Variants in ENDOG observed in about 807,000 individuals in gnomAD.
ENDOG encodes the protein endonuclease G, mitochondrial.
ENDOG carries 22 observed loss-of-function variants against 22.6 expected under a neutral mutation model. The ratio of observed to expected loss-of-function variants is 0.97; its 90% CI spans 0.70 to 1.39. The LOEUF (loss-of-function observed/expected upper bound fraction) is 1.39, where lower values mean the gene tolerates loss of function less well. Ranked by LOEUF, ENDOG falls within the 40% of genes most tolerant of loss-of-function variation. The probability of loss-of-function intolerance (pLI) is 0.00; values close to 1 mark genes in which losing one functional copy is unlikely to be tolerated. For synonymous variants in ENDOG, 173 were observed against 200.2 expected, an observed-to-expected ratio of 0.86 and a Z score of 1.15; for missense variants, 403 against 431.3, an observed-to-expected ratio of 0.93 and a Z score of 0.58.
In ENDOG at chr9:128,818,736, G is replaced by C; in HGVS notation, c.52G>C (p.Ala18Pro). ...LTLASGAGLG[A>P]VVEGWRRRRE... ...CCTGGCGTCGGGCGCGGGGCTGGGT[G>C]CGGTCGTCGAGGGCTGGCGGCGGCG... Residue 18 changes from alanine (A) to proline (P), a missense_variant, in exon 1 of 3, where the codon GCG (alanine) becomes CCG (proline). Coordinates refer to ENST00000372642, the MANE Select transcript of ENDOG (RefSeq NM_004435.2). 1 of 1,176,994 alleles carries C rather than the reference G, an allele frequency of 8.5e-7. No homozygotes were observed. Among genetic ancestry groups the C allele is most frequent in the Non-Finnish European group, 1.0e-6 (1 of 953,346 alleles). 72.9% of individuals were successfully genotyped at this position (1,176,994 alleles called of 1,614,324 possible). A position where few individuals can be genotyped will look rare whatever the true frequency, so the allele number is the denominator to read the frequency against.
rs779050708 is a variant in ENDOG at position 128,820,873 on chromosome 9, C to G, written c.611+25C>G. 5 of 1,578,084 alleles carry G rather than the reference C, an allele frequency of 3.2e-6. No homozygotes were observed. In the Middle Eastern group the frequency reaches 6.7e-4, roughly 211 times the overall value. ...GGTAAGGTGGAAACCAGGGGGGCGG[C>G]AGAACCTCCCACTCACCTGAGGCCC... is the stretch of plus-strand genomic sequence containing the variant. On this transcript the variant is annotated intron_variant, in intron 2 of 2. Transcript: ENST00000372642.
At position 128,819,078 on chromosome 9, in the gene ENDOG, TACCGCGGCAGTGGCTTCGACCGCGGTC is replaced by T; in HGVS notation, c.398_424del (p.Arg133_His141del). 6.6e-7 allele frequency: 1 copy of T among 1,518,212 alleles called. No individual in the cohort carries two copies. Among genetic ancestry groups the T allele is most frequent in the Non-Finnish European group, 8.8e-7 (1 of 1,138,562 alleles). 94.0% of individuals were successfully genotyped at this position (1,518,212 alleles called of 1,614,324 possible). A position where few individuals can be genotyped will look rare whatever the true frequency, so the allele number is the denominator to read the frequency against. ...GTACCACCGTGCCACCAACGCCGACTACCGCGGCAGTGGCTTCGACCGCGGTCACCTGGCCGCCGCCGCCAACCACCG... is the reference window on the plus strand; with the variant it reads ...GTACCACCGTGCCACCAACGCCGACTACCTGGCCGCCGCCGCCAACCACCG... On this transcript the variant is annotated inframe_deletion, in exon 1 of 3. Transcript: ENST00000372642.
intron 1 of ENDOG, 33 bp downstream of exon 1, chr9:128,819,218 G>T: frequency 7.0e-7 from 1 of 1,429,350 alleles, no homozygotes. Flanking sequence ...GTCGCGGAAT[G>T]CGGGGCCGGC....
chr9:128,818,513 C>A lies in ENDOG; in HGVS notation c.-172C>A. On this transcript the variant is annotated 5_prime_UTR_variant, in exon 1 of 3. Coordinates refer to ENST00000372642, the MANE Select transcript of ENDOG (RefSeq NM_004435.2). ...AGGACGCCGGGGACACCCGGTTGGG[C>A]TCTGCTGCTCCCTTCTGGGTTCCGA... 1 of 730,334 alleles carries A rather than the reference C, an allele frequency of 1.4e-6. No homozygotes were observed. Among genetic ancestry groups the A allele is most frequent in the Non-Finnish European group, 1.7e-6 (1 of 578,220 alleles). 45.2% of individuals were successfully genotyped at this position (730,334 alleles called of 1,614,324 possible).
At position 128,822,567 on chromosome 9, in the gene ENDOG, C is replaced by T; in HGVS notation, c.851C>T (p.Ala284Val). ...SGLLFVPNILARAGSLKAITA... is the reference protein window; with the variant it reads ...SGLLFVPNILVRAGSLKAITA... Reference sequence around the variant, plus strand: ...CTGCTCTTTGTGCCAAACATCCTGGCGCGGGCAGGCAGCCTCAAGGCCATC... The same window carrying T: ...CTGCTCTTTGTGCCAAACATCCTGGTGCGGGCAGGCAGCCTCAAGGCCATC... Residue 284 changes from alanine to valine, a missense_variant, in exon 3 of 3, where the codon GCG (alanine) becomes GTG (valine). Ala to Val is a moderately conservative substitution (Grantham distance 64, BLOSUM62 0). Coordinates refer to ENST00000372642, the MANE Select transcript of ENDOG (RefSeq NM_004435.2). 1.9e-6 allele frequency: 3 copies of T among 1,565,210 alleles called. No homozygotes were observed. Among genetic ancestry groups the T allele is most frequent in the Middle Eastern group, 1.7e-4 (1 of 5,998 alleles).
In ENDOG at chr9:128,820,865, G is replaced by C. The variant is rs189147687; in HGVS notation, c.611+17G>C. 3.3e-5 allele frequency: 53 copies of C among 1,590,556 alleles called. 1 individual carries two copies. In the African/African-American group the frequency reaches 3.8e-4, roughly 11 times the overall value. On this transcript the variant is annotated intron_variant, in intron 2 of 2. Transcript: ENST00000372642. The stretch of plus-strand genomic sequence containing the variant: ...CCTGCCCAGGTAAGGTGGAAACCAG[G>C]GGGGCGGCAGAACCTCCCACTCACC...
Position 128,821,199 on chromosome 9 carries a change from C to A in ENDOG, c.611+351C>A, listed in dbSNP as rs137971010. ...GCACCAAGCTCTCCCACCTTCCCCCCGCAGGTCTGCAGTGCACCAAGCTCT... is the reference window on the plus strand; with the variant it reads ...GCACCAAGCTCTCCCACCTTCCCCCAGCAGGTCTGCAGTGCACCAAGCTCT... On this transcript the variant is annotated intron_variant, in intron 2 of 2. Transcript: ENST00000372642. 491 of 305,134 alleles carry A rather than the reference C, an allele frequency of 1.6e-3. 1 individual carries two copies. The highest frequency in any genetic ancestry group is 2.0e-3 in the Non-Finnish European group (314 of 158,434). 18.9% of individuals were successfully genotyped at this position (305,134 alleles called of 1,614,324 possible). A position where few individuals can be genotyped will look rare whatever the true frequency, so the allele number is the denominator to read the frequency against.
intron 2 of ENDOG, chr9:128,822,040 C>T (rs1023362378): frequency 6.5e-6 from 3 of 460,612 alleles, no homozygotes; most frequent in Non-Finnish European, 1.2e-5. Flanking sequence ...AGTCTCCCCT[C>T]AGACGAATGT....
At position 128,819,260 on chromosome 9, in the gene ENDOG, C is replaced by T; in HGVS notation, c.501+75C>T. 4 of 1,392,486 alleles carry T rather than the reference C, an allele frequency of 2.9e-6. No homozygotes were observed. The South Asian group carries it at 6.3e-5, about 22-fold the overall frequency. The allele number at this position is 1,392,486 out of a possible 1,614,324, so 86.3% of individuals were successfully genotyped here. Reference sequence around the variant, plus strand: ...CCTCGCGGGGCCTCGGTTTGTTCTTCTGCAGAACGGGGCAGCTGCCCAACG... The same window carrying T: ...CCTCGCGGGGCCTCGGTTTGTTCTTTTGCAGAACGGGGCAGCTGCCCAACG... On this transcript the variant is annotated intron_variant, in intron 1 of 2. Coordinates refer to ENST00000372642, the MANE Select transcript of ENDOG (RefSeq NM_004435.2).
chr9:128,820,613 GT>G, intron 1 of ENDOG, 125 bp from the exon 2 acceptor site: 1 of 766,640 alleles, frequency 1.3e-6, no homozygotes, highest in Non-Finnish European at 2.2e-6. Flanking sequence ...TTGAGCCTCA[GT>G]TTCCCCCCGC....
Position 128,818,509 on chromosome 9 carries a change from T to A in ENDOG, c.-176T>A. The A allele has an allele frequency of 1.5e-6, 1 of 652,508 alleles. No homozygotes were observed. Among genetic ancestry groups the A allele is most frequent in the Non-Finnish European group, 2.0e-6 (1 of 507,302 alleles). 40.4% of individuals were successfully genotyped at this position (652,508 alleles called of 1,614,324 possible). ...AGAAAGGACGCCGGGGACACCCGGT[T>A]GGGCTCTGCTGCTCCCTTCTGGGTT... On this transcript the variant is annotated 5_prime_UTR_variant, in exon 1 of 3. Coordinates refer to ENST00000372642, the MANE Select transcript of ENDOG (RefSeq NM_004435.2).
Position 128,818,744 on chromosome 9 carries a change from CG to C in ENDOG, c.61del (p.Glu21ArgfsTer141), listed in dbSNP as rs1030852507. ...CGGGCGCGGGGCTGGGTGCGGTCGT[CG>C]AGGGCTGGCGGCGGCGGCGGGAGGA... The part of the protein sequence containing the change: ...ASGAGLGAVV[E>X]GWRRRREDAR... On this transcript the variant is annotated frameshift_variant, in exon 1 of 3. Coordinates refer to ENST00000372642, the MANE Select transcript of ENDOG (RefSeq NM_004435.2). LOFTEE classifies it high-confidence loss of function. The C allele has an allele frequency of 3.2e-4, 380 of 1,176,604 alleles. No homozygotes were observed. The highest frequency in any genetic ancestry group is 3.7e-4 in the Non-Finnish European group (356 of 953,382). 72.9% of individuals were successfully genotyped at this position (1,176,604 alleles called of 1,614,324 possible). A position where few individuals can be genotyped will look rare whatever the true frequency, so the allele number is the denominator to read the frequency against.
At position 128,818,508 on chromosome 9, in the gene ENDOG, T is replaced by C. The variant is rs1830039654; in HGVS notation, c.-177T>C. On this transcript the variant is annotated 5_prime_UTR_variant, in exon 1 of 3. Transcript: ENST00000372642. ...AAGAAAGGACGCCGGGGACACCCGGTTGGGCTCTGCTGCTCCCTTCTGGGT... is the reference window on the plus strand; with the variant it reads ...AAGAAAGGACGCCGGGGACACCCGGCTGGGCTCTGCTGCTCCCTTCTGGGT... 1.5e-6 allele frequency: 1 copy of C among 646,602 alleles called. No homozygotes were observed. The highest frequency in any genetic ancestry group is 7.2e-5 in the South Asian group (1 of 13,836). 40.1% of individuals were successfully genotyped at this position (646,602 alleles called of 1,614,324 possible).
Position 128,820,816 on chromosome 9 carries a change from C to CT in ENDOG, c.580dup (p.Tyr194LeufsTer15). ...GCTTGACCCGCAGCTACCAAAACGT[C>CT]TATGTCTGCACAGGGCCACTCTTCC... On this transcript the variant is annotated frameshift_variant, in exon 2 of 3. Transcript: ENST00000372642. LOFTEE classifies it high-confidence loss of function. The CT allele has an allele frequency of 6.2e-7, 1 of 1,611,910 alleles. No individual in the cohort carries two copies. The highest frequency in any genetic ancestry group is 8.5e-7 in the Non-Finnish European group (1 of 1,179,036).
chr9:128,818,986 C>T lies in ENDOG; in HGVS notation c.302C>T (p.Pro101Leu). Residue 101 changes from proline (P) to leucine (L), a missense_variant, in exon 1 of 3, where the codon CCC becomes CTC. Coordinates refer to ENST00000372642, the MANE Select transcript of ENDOG (RefSeq NM_004435.2). ...GALWVVEQLR[P>L]ERLRGDGDRR... ...CTCTGGGTGGTGGAGCAGCTGCGAC[C>T]CGAGCGTCTCCGCGGCGACGGCGAC... is the stretch of plus-strand genomic sequence containing the variant. 4 of 1,487,158 alleles carry T rather than the reference C, an allele frequency of 2.7e-6. No homozygotes were observed. The highest frequency in any genetic ancestry group is 3.6e-6 in the Non-Finnish European group (4 of 1,126,450). 92.1% of individuals were successfully genotyped at this position (1,487,158 alleles called of 1,614,324 possible).
Position 128,819,063 on chromosome 9 carries a change from G to A in ENDOG, c.379G>A (p.Ala127Thr). 1 of 1,516,886 alleles carries A rather than the reference G, an allele frequency of 6.6e-7. No individual in the cohort carries two copies. The highest frequency in any genetic ancestry group is 2.1e-5 in the Admixed American group (1 of 46,968). The allele number at this position is 1,516,886 out of a possible 1,614,324, so 94.0% of individuals were successfully genotyped here. A position where few individuals can be genotyped will look rare whatever the true frequency, so the allele number is the denominator to read the frequency against. ...CGACTCGGTGCACGCGTACCACCGT[G>A]CCACCAACGCCGACTACCGCGGCAG... ...EDDSVHAYHR[A>T]TNADYRGSGF... Residue 127 changes from alanine to threonine, a missense_variant, in exon 1 of 3, where the codon GCC becomes ACC. Physicochemically the swap from Ala to Thr is moderately conservative, Grantham distance 58. Transcript: ENST00000372642.
intron 1 of ENDOG, 149 bp from the exon 2 acceptor site, chr9:128,820,590 T>A (rs1458922174): frequency 7.5e-6 from 5 of 664,804 alleles, no homozygotes; most frequent in Non-Finnish European, 1.1e-5. Flanking sequence ...TTTCAGGGAG[T>A]GACTTTCATT....
rs565426676 is a variant in ENDOG, at chr9:128,819,321, C to G, written c.501+136C>G. The G allele has an allele frequency of 3.2e-5, 42 of 1,303,178 alleles. No individual in the cohort carries two copies. The South Asian group carries it at 6.8e-4, about 21-fold the overall frequency. 80.7% of individuals were successfully genotyped at this position (1,303,178 alleles called of 1,614,324 possible). The stretch of plus-strand genomic sequence containing the variant: ...CAGGCATCGCAGTGACATCCCGTGG[C>G]GGGAGGGAGGAGCACTGGGCTCCAG... On this transcript the variant is annotated intron_variant, in intron 1 of 2. Coordinates refer to ENST00000372642, the MANE Select transcript of ENDOG (RefSeq NM_004435.2).
At position 128,818,986 on chromosome 9, in the gene ENDOG, C is replaced by A; in HGVS notation, c.302C>A (p.Pro101His). 6.7e-7 allele frequency: 1 copy of A among 1,487,158 alleles called. No individual in the cohort carries two copies. The highest frequency in any genetic ancestry group is 2.8e-5 in the East Asian group (1 of 35,552). 92.1% of individuals were successfully genotyped at this position (1,487,158 alleles called of 1,614,324 possible). Reference protein sequence around the residue: ...GALWVVEQLRPERLRGDGDRR... With the variant: ...GALWVVEQLRHERLRGDGDRR... ...CTCTGGGTGGTGGAGCAGCTGCGACCCGAGCGTCTCCGCGGCGACGGCGAC... is the reference window on the plus strand; with the variant it reads ...CTCTGGGTGGTGGAGCAGCTGCGACACGAGCGTCTCCGCGGCGACGGCGAC... The change falls in exon 1 of 3, where the codon CCC becomes CAC. Residue 101 changes from proline (P) to histidine (H), a missense_variant. Coordinates refer to ENST00000372642, the MANE Select transcript of ENDOG (RefSeq NM_004435.2).
Sources: gnomAD v4.1 joint callset for allele counts on GRCh38, gnomAD v4.1.1 for gene constraint, MANE v1.5 for transcripts, NCBI Gene and HGNC (gene_info 2026-07-23, HGNC 2026-07-21) for gene names.